The following KIAA1614 variants were observed in gnomAD, a reference collection of about 807,000 sequenced individuals.
The protein encoded by KIAA1614 is KIAA1614, also known as uncharacterized protein KIAA1614.
A neutral mutation model predicts 88.7 loss-of-function variants in KIAA1614; 76 were observed. That is an observed-to-expected ratio of 0.86 (90% CI 0.71 to 1.04). KIAA1614 has a LOEUF of 1.04. KIAA1614 is among the 50% of genes least tolerant of loss of function. The probability of loss-of-function intolerance (pLI) is 0.00; values close to 1 mark genes in which losing one functional copy is unlikely to be tolerated. For missense variants in KIAA1614, 1,553 were observed against 1,582.5 expected (o/e 0.98, Z 0.32); for synonymous variants, 714 against 675.5 (o/e 1.06, Z -0.88).
At chr1:180,927,578 G>A (rs191499563) in intron 3 of KIAA1614, among the ~76,000 whole-genome samples, 6 of 152,350 alleles carry the variant, frequency 3.9e-5, no homozygotes, top group Admixed American at 2.0e-4. Context: ...GGAGAACAAC[G>A]TCTTGTCAGT....
rs2331995 is a variant in KIAA1614 at position 180,944,461 on chromosome 1, A to T, written c.3232A>T (p.Asn1078Tyr). ...NLHSLLSSKG[N>Y]RSSLYLVAGP... The stretch of plus-strand genomic sequence containing the variant: ...CCATTCTCTGCTGAGCAGCAAGGGG[A>T]ACCGGTCCAGCCTCTACCTGGTAGC... The change falls in exon 8 of 9, where the codon AAC becomes TAC. Residue 1078 changes from asparagine to tyrosine, a missense_variant. Asn to Tyr is a moderately radical substitution (Grantham distance 143, BLOSUM62 -2). Transcript: ENST00000367588. The T allele has an allele frequency of 1.2e-6, 2 of 1,614,004 alleles. No individual in the cohort carries two copies. Among genetic ancestry groups the T allele is most frequent in the South Asian group, 2.2e-5 (2 of 91,076 alleles).
intron 3 of KIAA1614, among the ~76,000 whole-genome samples, chr1:180,924,135 C>T (rs1314789122): frequency 6.6e-6 from 1 of 152,238 alleles, no homozygotes; most frequent in Admixed American, 6.5e-5. Context: ...TGCCCATATA[C>T]ACACCACACA....
In KIAA1614 at chr1:180,945,366, T is replaced by C. The variant is rs1218405676; in HGVS notation, c.3351T>C (p.Ala1117=). 4 of 1,599,596 alleles carry C rather than the reference T, an allele frequency of 2.5e-6. No homozygotes were observed. The Admixed American group carries it at 7.2e-5, about 29-fold the overall frequency. The change falls in exon 9 of 9, where the codon GCT becomes GCC. Residue 1117 remains alanine (A), a synonymous_variant. Coordinates refer to ENST00000367588, the MANE Select transcript of KIAA1614 (RefSeq NM_020950.2). ...AGGACGTGGGTGCTCCCAGCCTGGC[T>C]CGCACCGTGGGCCGCCTGGTGGAGG... is the stretch of plus-strand genomic sequence containing the variant. ...SVEDVGAPSL[A]RTVGRLVEVF...
rs547504497 is a variant in KIAA1614, at chr1:180,939,464, C to T, written c.2918+753C>T. Among the ~76,000 whole-genome samples, 36 of 152,300 alleles carry T rather than the reference C, an allele frequency of 2.4e-4. 1 individual carries two copies. In the South Asian group the frequency reaches 7.5e-3, roughly 32 times the overall value. ...CTGTCTGTCTGCACAGCACACAAGC[C>T]CGAATCCAGGAGTCCTGGGCTGCTT... On this transcript the variant is annotated intron_variant, in intron 6 of 8. Coordinates refer to ENST00000367588, the MANE Select transcript of KIAA1614 (RefSeq NM_020950.2).
intron 5 of KIAA1614, 103 bp downstream of exon 5, chr1:180,936,773 T>A: frequency 1.3e-6 from 1 of 745,554 alleles, no homozygotes; most frequent in Non-Finnish European, 2.1e-6. Context: ...AGTCATTCCC[T>A]TTTATCTCAA....
intron 7 of KIAA1614, among the ~76,000 whole-genome samples, chr1:180,941,858 T>C (rs997326058): frequency 6.6e-6 from 1 of 152,224 alleles, no homozygotes; most frequent in African/African-American, 2.4e-5. Flanking sequence ...TCCTCATTCT[T>C]CTTTTAACAC....
Position 180,936,480 on chromosome 1 carries a change from G to GC in KIAA1614, c.2576dup (p.Ser860IlefsTer42). ...GCGCGGTTCTCAGGACCTGTGAGCT[G>GC]CCCCCATCACAGACCCAGCCCAGCC... On this transcript the variant is annotated frameshift_variant, in exon 5 of 9. Transcript: ENST00000367588. LOFTEE classifies it high-confidence loss of function. The GC allele has an allele frequency of 6.2e-7, 1 of 1,613,836 alleles. No homozygotes were observed. Among genetic ancestry groups the GC allele is most frequent in the Non-Finnish European group, 8.5e-7 (1 of 1,179,896 alleles).
intron 2 of KIAA1614, 33 bp downstream of exon 2, chr1:180,917,133 G>A (rs754716246): frequency 5.1e-5 from 78 of 1,544,082 alleles, no homozygotes; most frequent in Non-Finnish European, 6.9e-5. Context: ...AGGTGGTGGG[G>A]GGAGCAGGAG....
chr1:180,916,102 G>A (rs541265320), intron 1 of KIAA1614, 52 bp from the exon 2 acceptor site: 13 of 1,425,020 alleles, frequency 9.1e-6, no homozygotes, highest in East Asian at 2.3e-5. Context: ...GGGAGGTTGT[G>A]GGGGTTAGTC....
In KIAA1614 at chr1:180,945,832, C is replaced by T. The variant is rs1654579026; in HGVS notation, c.*244C>T. ...TGAAATTAGAAGCTTAGGCCGGGCG[C>T]AGTGGCTCATGCCTGTAATCCCAGA... On this transcript the variant is annotated 3_prime_UTR_variant, in exon 9 of 9. Transcript: ENST00000367588. 1 of 1,281,182 alleles carries T rather than the reference C, an allele frequency of 7.8e-7. No individual in the cohort carries two copies. Among genetic ancestry groups the T allele is most frequent in the South Asian group, 2.3e-5 (1 of 44,240 alleles). 79.4% of individuals were successfully genotyped at this position (1,281,182 alleles called of 1,614,324 possible). A position where few individuals can be genotyped will look rare whatever the true frequency, so the allele number is the denominator to read the frequency against.
At chr1:180,934,325 A>C (rs1312755495) in intron 4 of KIAA1614, among the ~76,000 whole-genome samples, 2 of 151,886 alleles carry the variant, frequency 1.3e-5, no homozygotes, top group East Asian at 3.8e-4. Context: ...GCAGTGGTGC[A>C]CACCTGTAAT....
chr1:180,914,156 A>G (rs1203212009), intron 1 of KIAA1614: 1 of 145,464 alleles, frequency 6.9e-6, no homozygotes, highest in Non-Finnish European at 1.5e-5. Context: ...GTTTACTTCA[A>G]GGGGGGGGGG....
chr1:180,948,347 G>A lies in KIAA1614; in HGVS notation c.*2759G>A, dbSNP rs1441779320. On this transcript the variant is annotated 3_prime_UTR_variant, in exon 9 of 9. Transcript: ENST00000367588. The stretch of plus-strand genomic sequence containing the variant: ...GGCTTTCACATCCGACTCTATATGA[G>A]CCTGTGAGAACAGCAGGCTTTGCCT... 1.3e-5 allele frequency: 2 copies of A among 152,250 alleles called. No individual in the cohort carries two copies. Among genetic ancestry groups the A allele is most frequent in the African/African-American group, 4.8e-5 (2 of 41,454 alleles). 9.4% of individuals were successfully genotyped at this position (152,250 alleles called of 1,614,324 possible).
chr1:180,936,498 G>A lies in KIAA1614; in HGVS notation c.2589G>A (p.Gln863=), dbSNP rs777731072. Reference sequence around the variant, plus strand: ...GTGAGCTGCCCCCATCACAGACCCAGCCCAGCCGCCCTCAGGTCAGGCACC... The same window carrying A: ...GTGAGCTGCCCCCATCACAGACCCAACCCAGCCGCCCTCAGGTCAGGCACC... ...RTCELPPSQT[Q]PSRPQVRHPL... is the part of the protein sequence containing the mutation. The change falls in exon 5 of 9, where the codon CAG becomes CAA. Residue 863 remains glutamine (Q), a synonymous_variant. Transcript: ENST00000367588. 6.2e-7 allele frequency: 1 copy of A among 1,613,950 alleles called. No homozygotes were observed. The highest frequency in any genetic ancestry group is 8.5e-7 in the Non-Finnish European group (1 of 1,179,976).
chr1:180,920,333 G>C (rs1044029477), intron 3 of KIAA1614, among the ~76,000 whole-genome samples: 4 of 152,246 alleles, frequency 2.6e-5, no homozygotes, highest in African/African-American at 9.6e-5. Context: ...TATGCCCCGG[G>C]AGTGCCACTC....
intron 2 of KIAA1614, 133 bp from the exon 3 acceptor site, chr1:180,917,718 C>A: frequency 1.3e-6 from 1 of 744,532 alleles, no homozygotes; most frequent in South Asian, 1.6e-5. Context: ...CTCCAATTTT[C>A]AGGCAAAGTG....
intron 3 of KIAA1614, 46 bp downstream of exon 3, chr1:180,917,960 G>A (rs1327926182): frequency 6.6e-7 from 1 of 1,517,896 alleles, no homozygotes; most frequent in Non-Finnish European, 9.1e-7. Context: ...TCCTCACCAT[G>A]GTCCCTCTAT....
intron 3 of KIAA1614, among the ~76,000 whole-genome samples, chr1:180,925,962 T>C (rs541512611): frequency 6.6e-6 from 1 of 152,234 alleles, no homozygotes; most frequent in East Asian, 1.9e-4. Context: ...GTGAGTCCTC[T>C]CCCCTCTCCA....
At position 180,944,694 on chromosome 1, in the gene KIAA1614, CTGCATGGACCCTCGG is replaced by C. The variant is rs1326486973; in HGVS notation, c.3287+184_3287+198del. Reference sequence around the variant, plus strand: ...ACGGGAGTCTCAGCACCTCAGTGCCCTGCATGGACCCTCGGTGCATTGGGCTCTGAGAAGGCCTGG... The same window carrying C: ...ACGGGAGTCTCAGCACCTCAGTGCCCTGCATTGGGCTCTGAGAAGGCCTGG... On this transcript the variant is annotated intron_variant, in intron 8 of 8. Coordinates refer to ENST00000367588, the MANE Select transcript of KIAA1614 (RefSeq NM_020950.2). 1.2e-5 allele frequency: 7 copies of C among 592,820 alleles called. No homozygotes were observed. In the East Asian group the frequency reaches 2.4e-4, roughly 20 times the overall value. 36.7% of individuals were successfully genotyped at this position (592,820 alleles called of 1,614,324 possible).
Sources: allele counts gnomAD v4.1 joint callset (sites outside exome capture counted in the v4.1 genomes callset), GRCh38; gene constraint gnomAD v4.1.1; transcripts MANE v1.5; gene names NCBI Gene and HGNC (gene_info 2026-07-23, HGNC 2026-07-21).